TMCO5A: variants seen among roughly 807,000 people sequenced by gnomAD.
TMCO5A encodes transmembrane and coiled-coil domain-containing protein 5A.
TMCO5A carries 34 observed loss-of-function variants against 42.3 expected under a neutral mutation model. The observed-to-expected ratio is 0.80, with a 90% CI of 0.61 to 1.07. The LOEUF (loss-of-function observed/expected upper bound fraction) is 1.07. Among genes scored for constraint, TMCO5A ranks in the 50% least tolerant of loss-of-function variants. The pLI is 0.00. For missense variants in TMCO5A, 357 were observed against 327.9 expected (o/e 1.09, Z -0.69); for synonymous variants, 131 against 115.6 (o/e 1.13, Z -0.86).
the TMCO5A span, among the ~76,000 whole-genome samples, chr15:38,003,222 G>GTCTCTCTCTCTCTCTCTCTCTCTC: frequency 4.8e-3 from 706 of 147,102 alleles, 9 homozygotes; most frequent in African/African-American, 0.017. Flanking sequence ...CCCAAACAGA[G>GTCTCTCTCTCTCTCTCTCTCTCTC]TCTCTCTCTC....
At chr15:38,035,006 GCACCACCTTGTA>G in the TMCO5A span, among the ~76,000 whole-genome samples, 1 of 152,186 alleles carries the variant, frequency 6.6e-6, no homozygotes, top group Non-Finnish European at 1.5e-5. Context: ...AGGGCAAGCT[GCACCACCTTGTA>G]CACATCCCAA....
the TMCO5A span, among the ~76,000 whole-genome samples, chr15:38,002,468 C>A: frequency 6.6e-6 from 1 of 151,936 alleles, no homozygotes; most frequent in South Asian, 2.1e-4. Context: ...CTCTTTAAGG[C>A]CAATAACTTT....
the TMCO5A span, among the ~76,000 whole-genome samples, chr15:38,006,735 T>C: frequency 6.6e-6 from 1 of 152,320 alleles, no homozygotes; most frequent in Admixed American, 6.5e-5. Context: ...TATTGACTTA[T>C]GCAGATAATG....
intron 11 of TMCO5A, among the ~76,000 whole-genome samples, chr15:37,964,591 C>A (rs999679313): frequency 9.7e-4 from 147 of 152,040 alleles, no homozygotes; most frequent in African/African-American, 3.4e-3. Flanking sequence ...CCTGTCCCCA[C>A]TTTGTGAAAA....
downstream of TMCO5A, among the ~76,000 whole-genome samples, chr15:37,954,624 T>C (rs1890238793): frequency 6.6e-6 from 1 of 152,064 alleles, no homozygotes; most frequent in African/African-American, 2.4e-5. Flanking sequence ...ACAAAACTAC[T>C]GCTAATAGTA....
At chr15:37,937,446 A>T (rs1889560229) in intron 5 of TMCO5A, 50 bp downstream of exon 5, 5 of 1,595,776 alleles carry the variant, frequency 3.1e-6, no homozygotes, top group Non-Finnish European at 3.4e-6. Flanking sequence ...AGCCCCATTC[A>T]TCAAAGGGGC....
the TMCO5A span, among the ~76,000 whole-genome samples, chr15:38,002,096 G>A: frequency 6.6e-6 from 1 of 152,058 alleles, no homozygotes; most frequent in Non-Finnish European, 1.5e-5. Flanking sequence ...TTTCTTGTAG[G>A]ACAGGTCTAG....
the TMCO5A span, among the ~76,000 whole-genome samples, chr15:38,001,075 T>C: frequency 6.6e-6 from 1 of 152,152 alleles, no homozygotes; most frequent in Non-Finnish European, 1.5e-5. Context: ...CTAGGAGATA[T>C]GTCCAATGCT....
At chr15:38,031,916 T>C in the TMCO5A span, among the ~76,000 whole-genome samples, 1 of 151,904 alleles carries the variant, frequency 6.6e-6, no homozygotes, top group Non-Finnish European at 1.5e-5. Context: ...CCTGGGGCCC[T>C]TCTCACATGC....
the TMCO5A span, among the ~76,000 whole-genome samples, chr15:38,026,260 G>T: frequency 6.6e-6 from 1 of 152,176 alleles, no homozygotes; most frequent in Non-Finnish European, 1.5e-5. Flanking sequence ...ACCTGAAAGT[G>T]ATATGGACAA....
chr15:37,968,878 G>A (rs894152247), downstream of TMCO5A, among the ~76,000 whole-genome samples: 4 of 152,076 alleles, frequency 2.6e-5, no homozygotes, highest in Non-Finnish European at 4.4e-5. Flanking sequence ...ACCGCACCCG[G>A]CCTACTTCTA....
intron 11 of TMCO5A, among the ~76,000 whole-genome samples, chr15:37,957,288 A>G (rs1456419266): frequency 2.0e-5 from 3 of 152,206 alleles, no homozygotes; most frequent in African/African-American, 7.2e-5. Flanking sequence ...TTCCAAAAAG[A>G]GGAAGTCAAA....
At chr15:37,948,364 A>C (rs1890039186) in intron 11 of TMCO5A, among the ~76,000 whole-genome samples, 1 of 152,140 alleles carries the variant, frequency 6.6e-6, no homozygotes, top group Admixed American at 6.6e-5. Flanking sequence ...ATGGTATGAA[A>C]TATGATTTAG....
chr15:37,973,144 TTTTC>T, the TMCO5A span, among the ~76,000 whole-genome samples: 1 of 143,450 alleles, frequency 7.0e-6, no homozygotes, highest in African/African-American at 3.0e-5. Context: ...TGTGTTTTTA[TTTTC>T]TTTTTTTCCT....
At chr15:37,975,886 C>T in the TMCO5A span, among the ~76,000 whole-genome samples, 1 of 151,090 alleles carries the variant, frequency 6.6e-6, no homozygotes, top group Non-Finnish European at 1.5e-5. Context: ...ATATTTAGCA[C>T]TCCCTTAAGG....
chr15:38,021,576 A>G, the TMCO5A span, among the ~76,000 whole-genome samples: 8 of 152,114 alleles, frequency 5.3e-5, no homozygotes, highest in African/African-American at 1.9e-4. Flanking sequence ...AGTTTTAGCT[A>G]TTTGTCCAGA....
chr15:37,961,108 C>CTTTTGGGTT lies in TMCO5A; in HGVS notation c.669-5517_669-5516insTTTTGGGTT, dbSNP rs1890415016. On this transcript the variant is annotated intron_variant, in intron 11 of 11. Coordinates refer to the TMCO5A transcript ENST00000559502. Reference sequence around the variant, plus strand: ...GCTTTTGGGTTCTTGGTCAGGAAATCCTTGCCTAAGCCAATGCCTAAAAGG... The same window carrying CTTTTGGGTT: ...GCTTTTGGGTTCTTGGTCAGGAAATCTTTTGGGTTCTTGCCTAAGCCAATGCCTAAAAGG... Among the ~76,000 whole-genome samples the CTTTTGGGTT allele has an allele frequency of 3.9e-5, 6 of 152,114 alleles. No homozygotes were observed. In the East Asian group the frequency reaches 5.8e-4, roughly 15 times the overall value.
chr15:37,997,448 A>G, the TMCO5A span, among the ~76,000 whole-genome samples: 4 of 152,190 alleles, frequency 2.6e-5, no homozygotes, highest in African/African-American at 7.2e-5. Context: ...TTTAACTCCC[A>G]AAATAAGTGA....
chr15:37,961,944 T>A (rs1890438057), intron 11 of TMCO5A, among the ~76,000 whole-genome samples: 1 of 151,838 alleles, frequency 6.6e-6, no homozygotes, highest in Admixed American at 6.6e-5. Context: ...TCTGGAGGAG[T>A]CTTTAGGGTT....
Sources: allele counts gnomAD v4.1 joint callset (sites outside exome capture counted in the v4.1 genomes callset), GRCh38; gene constraint gnomAD v4.1.1; transcripts MANE v1.5; gene names NCBI Gene and HGNC (gene_info 2026-07-23, HGNC 2026-07-21).